The following PHRF1 variants were observed in gnomAD, a reference collection of about 807,000 sequenced individuals.
The protein encoded by PHRF1 is PHD and ring finger domains 1.
PHRF1 carries 53 observed loss-of-function variants against 128.9 expected under a neutral mutation model. That is an observed-to-expected ratio of 0.41 (90% CI 0.33 to 0.52). The LOEUF (loss-of-function observed/expected upper bound fraction) is 0.52, where lower values mean the gene tolerates loss of function less well. PHRF1 is among the 20% of genes least tolerant of loss of function. PHRF1 has a pLI of 0.21. For missense variants in PHRF1, 2,503 were observed against 2,284.5 expected, an observed-to-expected ratio of 1.10 and a Z score of -1.95; for synonymous variants, 1,178 against 980.6, an observed-to-expected ratio of 1.20 and a Z score of -3.76.
intron 10 of PHRF1, among the ~76,000 whole-genome samples, chr11:603,305 T>G (rs1855748431): frequency 6.6e-6 from 1 of 152,202 alleles, no homozygotes; most frequent in African/African-American, 2.4e-5. Flanking sequence ...GTTTGTCATC[T>G]AAGCCTCACA....
At chr11:588,441 G>A (rs1030432593) in intron 4 of PHRF1, among the ~76,000 whole-genome samples, 8 of 151,700 alleles carry the variant, frequency 5.3e-5, no homozygotes, top group African/African-American at 1.7e-4. Flanking sequence ...GTGCAATGGC[G>A]CGATCTTGGC....
intron 6 of PHRF1, among the ~76,000 whole-genome samples, chr11:594,900 A>G (rs1226344009): frequency 1.4e-5 from 1 of 70,260 alleles, no homozygotes; most frequent in African/African-American, 6.7e-5. Context: ...CAGATAAAAC[A>G]ACGCAAGTAC....
intron 6 of PHRF1, among the ~76,000 whole-genome samples, chr11:594,228 G>C (rs1855154332): frequency 6.6e-6 from 1 of 152,190 alleles, no homozygotes; most frequent in Admixed American, 6.5e-5. Context: ...AAGGGCCTGG[G>C]CTGGCCTGGA....
intron 9 of PHRF1, among the ~76,000 whole-genome samples, chr11:600,512 A>ATATG (rs1855568580): frequency 2.1e-5 from 3 of 144,536 alleles, no homozygotes; most frequent in African/African-American, 7.9e-5. Flanking sequence ...ATATATATAT[A>ATATG]TATATATGGT....
At position 605,665 on chromosome 11, in the gene PHRF1, C is replaced by G. The variant is rs1190667223; in HGVS notation, c.1395C>G (p.Ser465=). The G allele has an allele frequency of 1.2e-6, 2 of 1,613,542 alleles. No homozygotes were observed. The highest frequency in any genetic ancestry group is 1.7e-5 in the Admixed American group (1 of 60,026). ...TGAGTGCCAAGAGACGGGCTCTGTCCCGGTCAGCCCTGCAGTCCCACCAGC... is the reference window on the plus strand; with the variant it reads ...TGAGTGCCAAGAGACGGGCTCTGTCGCGGTCAGCCCTGCAGTCCCACCAGC... ...SPLSAKRRAL[S]RSALQSHQPV... Residue 465 remains serine, a synonymous_variant, in exon 12 of 18, where the codon TCC becomes TCG. Coordinates refer to ENST00000264555, the MANE Select transcript of PHRF1 (RefSeq NM_001286581.2).
In PHRF1 at chr11:609,302, G is replaced by A; in HGVS notation, c.3846G>A (p.Gln1282=). 1 of 1,612,500 alleles carries A rather than the reference G, an allele frequency of 6.2e-7. No individual in the cohort carries two copies. The highest frequency in any genetic ancestry group is 8.5e-7 in the Non-Finnish European group (1 of 1,179,880). Residue 1282 remains glutamine (Q), a synonymous_variant, in exon 14 of 18, where the codon CAG becomes CAA. Coordinates refer to ENST00000264555, the MANE Select transcript of PHRF1 (RefSeq NM_001286581.2). ...DDFSSDAVFI[Q]LDDMSSPPSP... ...TCTCAAGCGACGCCGTTTTCATCCA[G>A]CTCGATGACATGAGCTCGCCACCTT...
rs767803312 is a variant in PHRF1, at chr11:607,084, G to A, written c.1628G>A (p.Arg543Gln). 11 of 1,554,872 alleles carry A rather than the reference G, an allele frequency of 7.1e-6. No homozygotes were observed. Among genetic ancestry groups the A allele is most frequent in the African/African-American group, 1.4e-5 (1 of 72,332 alleles). ...TTTTTAGCTCCAGTTTCTTTTCAGC[G>A]AAACTCAGGCAGTCTGTCCAGAGGG... ...AKRAAPVSFQ[R>Q]NSGSLSRGEE... Residue 543 changes from arginine (R) to glutamine (Q), a missense_variant, in exon 14 of 18, where the codon CGA becomes CAA. Coordinates refer to ENST00000264555, the MANE Select transcript of PHRF1 (RefSeq NM_001286581.2).
chr11:577,751 C>G (rs1853967482), intron 1 of PHRF1, among the ~76,000 whole-genome samples: 1 of 152,256 alleles, frequency 6.6e-6, no homozygotes, highest in African/African-American at 2.4e-5. Flanking sequence ...TGTTCAGTGC[C>G]TGGGATGGGC....
At chr11:598,289 C>A in intron 8 of PHRF1, 84 bp from the exon 9 acceptor site, 1 of 1,484,466 alleles carries the variant, frequency 6.7e-7, no homozygotes. Flanking sequence ...CCATTGTGGG[C>A]TGTGTTCTGG....
At position 609,145 on chromosome 11, in the gene PHRF1, C is replaced by T. The variant is rs116284225; in HGVS notation, c.3689C>T (p.Pro1230Leu). The T allele has an allele frequency of 2.9e-3, 4,667 of 1,606,356 alleles. 135 individuals are homozygous for T. In the African/African-American group the frequency reaches 0.054, roughly 18 times the overall value. Residue 1230 changes from proline to leucine, a missense_variant, in exon 14 of 18, where the codon CCG (proline) becomes CTG (leucine). Transcript: ENST00000264555. ...GCCTTGGGGGAAGCACATGTCTCGCCGGAGGTGGCTACGGCCGACAAGGCC... is the reference window on the plus strand; with the variant it reads ...GCCTTGGGGGAAGCACATGTCTCGCTGGAGGTGGCTACGGCCGACAAGGCC... ...LPALGEAHVS[P>L]EVATADKAPL...
At chr11:580,690 A>G (rs1479556678) in intron 1 of PHRF1, among the ~76,000 whole-genome samples, 2 of 152,118 alleles carry the variant, frequency 1.3e-5, no homozygotes, top group Admixed American at 1.3e-4. Flanking sequence ...ATTCCTCAGG[A>G]GCATTGCAGT....
rs752856198 is a variant in PHRF1, at chr11:607,297, G to A, written c.1841G>A (p.Arg614Gln). 15 of 1,612,674 alleles carry A rather than the reference G, an allele frequency of 9.3e-6. No individual in the cohort carries two copies. The highest frequency in any genetic ancestry group is 8.9e-5 in the East Asian group (4 of 44,880). The change falls in exon 14 of 18, where the codon CGG becomes CAG. Residue 614 changes from arginine to glutamine, a missense_variant. Physicochemically the swap from Arg to Gln is conservative, Grantham distance 43. Transcript: ENST00000264555. ...GCAGCCCCTGGGGCGGTTCAGGCTCGGAACTTGTCAAATGGGAGTGTGCCT... is the reference window on the plus strand; with the variant it reads ...GCAGCCCCTGGGGCGGTTCAGGCTCAGAACTTGTCAAATGGGAGTGTGCCT... ...LPAAPGAVQA[R>Q]NLSNGSVPGF... is the part of the protein sequence containing the mutation.
intron 4 of PHRF1, among the ~76,000 whole-genome samples, chr11:589,125 A>G (rs1402433705): frequency 1.3e-5 from 2 of 151,880 alleles, no homozygotes; most frequent in East Asian, 3.9e-4. Context: ...ACAGAGCAAG[A>G]CACTGTCTCA....
intron 3 of PHRF1, among the ~76,000 whole-genome samples, chr11:585,751 G>A (rs1854514392): frequency 6.8e-6 from 1 of 148,018 alleles, no homozygotes. Flanking sequence ...CACGATCTCA[G>A]TTCACTGCAA....
At position 609,079 on chromosome 11, in the gene PHRF1, A is replaced by G. The variant is rs1856166377; in HGVS notation, c.3623A>G (p.Gln1208Arg). 5.6e-6 allele frequency: 9 copies of G among 1,601,602 alleles called. No homozygotes were observed. The highest frequency in any genetic ancestry group is 6.8e-6 in the Non-Finnish European group (8 of 1,174,628). The part of the protein sequence containing the change: ...VREASPAPLA[Q>R]GEPGREDLPT... ...GAGGCTTCCCCAGCGCCCCTTGCAC[A>G]GGGGGAGCCAGGGCGGGAAGACCTC... The change falls in exon 14 of 18, where the codon CAG (glutamine) becomes CGG (arginine). Residue 1208 changes from glutamine (Q) to arginine (R), a missense_variant. Transcript: ENST00000264555.
chr11:601,539 A>T (rs749281569), intron 9 of PHRF1, 35 bp from the exon 10 acceptor site: 1 of 1,612,946 alleles, frequency 6.2e-7, no homozygotes. Flanking sequence ...AGGGCCCAGC[A>T]CAGAGAAGCA....
At chr11:604,624 C>T (rs986449317) in intron 10 of PHRF1, among the ~76,000 whole-genome samples, 3 of 152,202 alleles carry the variant, frequency 2.0e-5, no homozygotes, top group African/African-American at 7.2e-5. Flanking sequence ...AAGCAGTTCT[C>T]TTGCCTCAGC....
chr11:585,896 C>G (rs1001861534), intron 3 of PHRF1, among the ~76,000 whole-genome samples: 4 of 151,922 alleles, frequency 2.6e-5, no homozygotes, highest in Non-Finnish European at 5.9e-5. Flanking sequence ...GAGTCTTGCT[C>G]TGTTGCCCAG....
intron 1 of PHRF1, 123 bp from the exon 2 acceptor site, chr11:581,369 T>G: frequency 1.3e-6 from 1 of 756,128 alleles, no homozygotes; most frequent in Non-Finnish European, 2.2e-6. Context: ...GGGCTCACTC[T>G]TCACGTGCTG....
Sources: gnomAD v4.1 joint callset for allele counts (sites outside exome capture counted in the v4.1 genomes callset) on GRCh38, gnomAD v4.1.1 for gene constraint, MANE v1.5 for transcripts, NCBI Gene and HGNC (gene_info 2026-07-23, HGNC 2026-07-21) for gene names.